Variants in NIN observed in about 807,000 individuals in gnomAD.
NIN encodes the protein ninein.
Under a neutral mutation model 257.6 loss-of-function variants are expected in NIN, and 137 were observed. The observed-to-expected ratio is 0.53, with a 90% CI of 0.46 to 0.61. NIN has a LOEUF of 0.61. Ranked by LOEUF, NIN falls within the 20% of genes least tolerant of loss-of-function variation. The pLI is 0.00. For missense variants in NIN, 2,439 were observed against 2,501.2 expected, an observed-to-expected ratio of 0.98 and a Z score of 0.53; for synonymous variants, 918 against 919.8, an observed-to-expected ratio of 1.00 and a Z score of 0.04.
At chr14:50,778,722 G>GT in intron 6 of NIN, 43 bp downstream of exon 6, 1 of 1,593,610 alleles carries the variant, frequency 6.3e-7, no homozygotes, top group Non-Finnish European at 8.6e-7. Context: ...AGCACCCGGC[G>GT]GCCCTTCCCT....
At chr14:50,825,422 A>T (rs2045415351) in intron 2 of NIN, among the ~76,000 whole-genome samples, 1 of 152,268 alleles carries the variant, frequency 6.6e-6, no homozygotes, top group Admixed American at 6.5e-5. Flanking sequence ...AAAAGCAGAA[A>T]GCTGCACTGT....
chr14:50,743,315 C>T (rs1293437555), intron 24 of NIN, 101 bp downstream of exon 24: 2 of 767,240 alleles, frequency 2.6e-6, no homozygotes, highest in South Asian at 1.5e-5. Flanking sequence ...TTGGAACCCT[C>T]TTACGCTACT....
chr14:50,764,477 T>C (rs1236313407), intron 14 of NIN, among the ~76,000 whole-genome samples: 1 of 152,190 alleles, frequency 6.6e-6, no homozygotes, highest in African/African-American at 2.4e-5. Context: ...AGGGTTACCA[T>C]ACAACCTAGC....
chr14:50,771,238 T>A, intron 10 of NIN, 94 bp downstream of exon 10: 3 of 1,436,684 alleles, frequency 2.1e-6, no homozygotes, highest in Non-Finnish European at 2.8e-6. Context: ...AACATTTGCA[T>A]ACAGAATAGA....
chr14:50,815,464 T>C (rs990149714), intron 3 of NIN, among the ~76,000 whole-genome samples: 7 of 152,162 alleles, frequency 4.6e-5, no homozygotes, highest in African/African-American at 1.4e-4. Context: ...AGTTCAACCA[T>C]TGCGGAAGAT....
At chr14:50,802,586 T>C (rs546075509) in intron 4 of NIN, among the ~76,000 whole-genome samples, 3 of 152,336 alleles carry the variant, frequency 2.0e-5, no homozygotes, top group East Asian at 1.9e-4. Flanking sequence ...AAGAACTTTA[T>C]AGTTTCAATG....
At chr14:50,728,110 A>G (rs533783061) in intron 29 of NIN, among the ~76,000 whole-genome samples, 15 of 151,790 alleles carry the variant, frequency 9.9e-5, no homozygotes, top group Non-Finnish European at 2.1e-4. Context: ...GAATTGGAGG[A>G]AAAGGATATT....
intron 2 of NIN, chr14:50,823,431 G>A: frequency 2.9e-6 from 1 of 343,708 alleles, no homozygotes; most frequent in Non-Finnish European, 6.0e-6. Flanking sequence ...CCATACGGCA[G>A]ATCATTACAA....
chr14:50,808,024 A>G (rs2044406638), intron 3 of NIN, among the ~76,000 whole-genome samples: 1 of 152,252 alleles, frequency 6.6e-6, no homozygotes, highest in Non-Finnish European at 1.5e-5. Flanking sequence ...ACAATGTGAA[A>G]TAATTATCAC....
Position 50,739,447 on chromosome 14 carries a change from T to G in NIN, c.5489A>C (p.His1830Pro). The G allele has an allele frequency of 6.2e-7, 1 of 1,614,248 alleles. No homozygotes were observed. The highest frequency in any genetic ancestry group is 1.1e-5 in the South Asian group (1 of 91,090). Reference sequence around the variant, plus strand: ...CCAGGACAGCCTTTTCTGCTGGTTATGGAGCCCTGATGGATGAGTAGCTAT... The same window carrying G: ...CCAGGACAGCCTTTTCTGCTGGTTAGGGAGCCCTGATGGATGAGTAGCTAT... ...PEIATHPSGL[H>P]NQQKRLSWDK... is the part of the protein sequence containing the mutation. Residue 1830 changes from histidine to proline, a missense_variant, in exon 26 of 31, where the codon CAT (histidine) becomes CCT (proline). Around this residue, in one of 3 missense-constraint regions of NIN, gnomAD observed 2,043 missense variants for 2,050.2 expected, o/e 1.00. Transcript: ENST00000530997.
Position 50,756,513 on chromosome 14 carries a change from T to G in NIN, c.4517A>C (p.Gln1506Pro), listed in dbSNP as rs772019464. 7 of 1,605,480 alleles carry G rather than the reference T, an allele frequency of 4.4e-6. No homozygotes were observed. Among genetic ancestry groups the G allele is most frequent in the Non-Finnish European group, 6.0e-6 (7 of 1,176,444 alleles). Residue 1506 changes from glutamine to proline, a missense_variant, in exon 18 of 31, where the codon CAG becomes CCG. Gln to Pro is a moderately conservative substitution (Grantham distance 76). Around this residue, in one of 3 missense-constraint regions of NIN, gnomAD observed 2,043 missense variants for 2,050.2 expected, o/e 1.00. Transcript: ENST00000530997. ...TTACCTCAGAAGTTCAACTTTTTGC[T>G]GCATCTCACTGCACGTGATCTGCAA... ...HDLQITCSEM[Q>P]QKVELLRYES...
chr14:50,739,263 A>G (rs771764839), intron 26 of NIN, 45 bp downstream of exon 26: 1 of 1,570,826 alleles, frequency 6.4e-7, no homozygotes, highest in South Asian at 1.1e-5. Flanking sequence ...CTATCAAACT[A>G]GTCATTTTCA....
chr14:50,723,493 T>C lies in NIN; in HGVS notation c.6372A>G (p.Pro2124=), dbSNP rs746511867. 15 of 1,612,962 alleles carry C rather than the reference T, an allele frequency of 9.3e-6. No homozygotes were observed. Among genetic ancestry groups the C allele is most frequent in the Middle Eastern group, 1.8e-4 (1 of 5,444 alleles). The change falls in exon 31 of 31, where the codon CCA becomes CCG. Residue 2124 remains proline, a synonymous_variant. Coordinates refer to ENST00000530997, the MANE Select transcript of NIN (RefSeq NM_020921.4). Reference sequence around the variant, plus strand: ...ACCTCAAAGGAGGTGTAGAAGTCAATGGCGCTGGTGTCAGATTCCTAACTA... The same window carrying C: ...ACCTCAAAGGAGGTGTAGAAGTCAACGGCGCTGGTGTCAGATTCCTAACTA... The part of the protein sequence containing the change: ...SNIVRNLTPA[P]LTSTPPLRS
chr14:50,811,191 C>T (rs1381461656), intron 3 of NIN, among the ~76,000 whole-genome samples: 3 of 151,420 alleles, frequency 2.0e-5, no homozygotes. Flanking sequence ...TCACTGCAAC[C>T]TCCACCTCCC....
At chr14:50,753,723 T>C (rs1230033501) in intron 20 of NIN, among the ~76,000 whole-genome samples, 1 of 152,220 alleles carries the variant, frequency 6.6e-6, no homozygotes, top group Non-Finnish European at 1.5e-5. Context: ...TACCACCTTA[T>C]AATCCTAACA....
At chr14:50,823,876 T>G (rs2045344597) in intron 2 of NIN, among the ~76,000 whole-genome samples, 1 of 152,208 alleles carries the variant, frequency 6.6e-6, no homozygotes, top group Non-Finnish European at 1.5e-5. Context: ...CATCAAAGCC[T>G]CAGAAAAGAA....
chr14:50,785,136 A>C (rs2043290258), intron 5 of NIN, among the ~76,000 whole-genome samples: 1 of 152,268 alleles, frequency 6.6e-6, no homozygotes, highest in Non-Finnish European at 1.5e-5. Flanking sequence ...GGTGCCCTGC[A>C]CACAGCGGCT....
chr14:50,743,221 CG>C (rs1372407170), intron 24 of NIN, among the ~76,000 whole-genome samples, 194 bp downstream of exon 24: 1 of 152,012 alleles, frequency 6.6e-6, no homozygotes, highest in Non-Finnish European at 1.5e-5. Context: ...CTGCTCACCT[CG>C]GCCTCCCAAA....
intron 5 of NIN, among the ~76,000 whole-genome samples, chr14:50,789,539 C>T (rs940909059): frequency 2.6e-5 from 4 of 152,174 alleles, no homozygotes; most frequent in Admixed American, 6.5e-5. Flanking sequence ...CCACTGCACT[C>T]CAGCCTGGGC....
Sources: gnomAD v4.1 joint callset for allele counts (sites outside exome capture counted in the v4.1 genomes callset) on GRCh38, gnomAD v4.1.1 for gene constraint, gnomAD v4.1.1 regional missense constraint, MANE v1.5 for transcripts, NCBI Gene and HGNC (gene_info 2026-07-23, HGNC 2026-07-21) for gene names.